The following NUP133 variants were observed in gnomAD, a reference collection of about 807,000 sequenced individuals.
NUP133 encodes nucleoporin 133, also known as nuclear pore complex protein Nup133.
A neutral mutation model predicts 146.2 loss-of-function variants in NUP133; 66 were observed. That is an observed-to-expected ratio of 0.45 (90% CI 0.37 to 0.55). NUP133 has a LOEUF of 0.55. Ranked by LOEUF, NUP133 falls within the 20% of genes least tolerant of loss-of-function variation. The probability of loss-of-function intolerance (pLI) is 0.00; values close to 1 mark genes in which losing one functional copy is unlikely to be tolerated. For missense variants in NUP133, 1,277 were observed against 1,374.8 expected, an observed-to-expected ratio of 0.93 and a Z score of 1.12; for synonymous variants, 521 against 498.8, an observed-to-expected ratio of 1.04 and a Z score of -0.59.
chr1:229,467,702 G>A (rs1660854786), intron 15 of NUP133, among the ~76,000 whole-genome samples: 1 of 152,066 alleles, frequency 6.6e-6, no homozygotes, highest in Non-Finnish European at 1.5e-5. Context: ...GGAGGTGGGT[G>A]GATCACAAGG....
Position 229,458,237 on chromosome 1 carries a change from TTTC to T in NUP133, c.2901_2903del (p.Lys968del). 1.9e-6 allele frequency: 3 copies of T among 1,613,572 alleles called. No individual in the cohort carries two copies. The highest frequency in any genetic ancestry group is 2.5e-6 in the Non-Finnish European group (3 of 1,179,618). On this transcript the variant is annotated inframe_deletion, in exon 21 of 26. Transcript: ENST00000261396. ...CCAATTTACTCAAGCCAAGAAGGGT[TTTC>T]TTCTTTGCAAAGTAACGAGTTTCCA...
chr1:229,470,927 C>T, intron 14 of NUP133, 123 bp from the exon 15 acceptor site: 1 of 738,296 alleles, frequency 1.4e-6, no homozygotes. Flanking sequence ...CCAGCAAGTC[C>T]CTCCAGCTGT....
Position 229,498,311 on chromosome 1 carries a change from GAA to G in NUP133, c.649-7_649-6del, listed in dbSNP as rs753726547. On this transcript the variant is annotated splice_region_variant and splice_polypyrimidine_tract_variant and intron_variant, in intron 5 of 25. Transcript: ENST00000261396. ...AGACAAAATAAAACTTCCTCCCTGT[GAA>G]AAAACATTATGAGGTTAGTTCAGTT... is the stretch of plus-strand genomic sequence containing the variant. 1.0e-5 allele frequency: 16 copies of G among 1,560,450 alleles called. No homozygotes were observed. In the African/African-American group the frequency reaches 2.1e-4, roughly 20 times the overall value.
chr1:229,487,032 TCCTCTG>T (rs1435510636), intron 10 of NUP133, among the ~76,000 whole-genome samples: 1 of 151,932 alleles, frequency 6.6e-6, no homozygotes. Context: ...CTGCACTCTG[TCCTCTG>T]CCCAACCCCT....
chr1:229,486,338 T>C (rs1161938728), intron 11 of NUP133, 33 bp downstream of exon 11: 1 of 1,536,292 alleles, frequency 6.5e-7, no homozygotes, highest in African/African-American at 1.7e-5. Flanking sequence ...ATAAATAACA[T>C]AAAAACTTCA....
At chr1:229,467,780 C>T (rs1461691638) in intron 15 of NUP133, among the ~76,000 whole-genome samples, 2 of 151,902 alleles carry the variant, frequency 1.3e-5, no homozygotes, top group Non-Finnish European at 2.9e-5. Flanking sequence ...CAAAAATTAG[C>T]TGGGCGTCGT....
At chr1:229,505,867 G>A (rs772501135) in intron 2 of NUP133, among the ~76,000 whole-genome samples, 173 bp downstream of exon 2, 2 of 152,096 alleles carry the variant, frequency 1.3e-5, no homozygotes, top group Non-Finnish European at 2.9e-5. Flanking sequence ...CAGCCTGGGT[G>A]ACAGAGTGAG....
intron 21 of NUP133, among the ~76,000 whole-genome samples, chr1:229,454,086 G>T (rs115779935): frequency 6.6e-6 from 1 of 152,070 alleles, no homozygotes; most frequent in African/African-American, 2.4e-5. Flanking sequence ...AGTTTCATTC[G>T]CAAATGGAAA....
chr1:229,448,187 G>A (rs1346589202), intron 24 of NUP133, among the ~76,000 whole-genome samples: 1 of 152,200 alleles, frequency 6.6e-6, no homozygotes, highest in East Asian at 1.9e-4. Context: ...CCAGCATTTT[G>A]GGAGGCTGAG....
Position 229,470,804 on chromosome 1 carries a change from C to G in NUP133, c.1852G>C (p.Val618Leu), listed in dbSNP as rs1660938651. 1 of 1,612,622 alleles carries G rather than the reference C, an allele frequency of 6.2e-7. No individual in the cohort carries two copies. Among genetic ancestry groups the G allele is most frequent in the Non-Finnish European group, 8.5e-7 (1 of 1,179,454 alleles). The change falls in exon 15 of 26, where the codon GTT (valine) becomes CTT (leucine). Residue 618 changes from valine (V) to leucine (L), a missense_variant and splice_region_variant. Val to Leu is a conservative substitution (Grantham distance 32, BLOSUM62 1). Coordinates refer to ENST00000261396, the MANE Select transcript of NUP133 (RefSeq NM_018230.3). Reference protein sequence around the residue: ...HSFLMDFIHQVGLFGRLGSFP... With the variant: ...HSFLMDFIHQLGLFGRLGSFP... ...CTGCCTAGACGTCCAAATAAGCCAA[C>G]CTTGCAAAAAGGCAAACACATATTC...
At chr1:229,442,367 T>G (rs1660203546) in intron 25 of NUP133, among the ~76,000 whole-genome samples, 2 of 152,196 alleles carry the variant, frequency 1.3e-5, no homozygotes. Flanking sequence ...GATCCCCTAT[T>G]TAGGGAATAA....
chr1:229,472,707 C>CATATACATATATATATAT (rs534357538), intron 14 of NUP133, among the ~76,000 whole-genome samples: 9 of 124,270 alleles, frequency 7.2e-5, no homozygotes, highest in African/African-American at 2.8e-4. Context: ...ACTAAATATA[C>CATATACATATATATATAT]ATATATATAT....
intron 12 of NUP133, among the ~76,000 whole-genome samples, chr1:229,482,886 G>A (rs182328817): frequency 1.1e-4 from 17 of 152,316 alleles, no homozygotes; most frequent in Admixed American, 2.0e-4. Flanking sequence ...GGAATAGAGA[G>A]CGAGCTGGCC....
intron 24 of NUP133, 71 bp downstream of exon 24, chr1:229,449,055 C>CTA: frequency 8.8e-7 from 1 of 1,136,920 alleles, no homozygotes; most frequent in East Asian, 2.4e-5. Context: ...CTGTTATTGA[C>CTA]TGTCATGTGG....
At chr1:229,453,659 C>A (rs1224205060) in intron 21 of NUP133, among the ~76,000 whole-genome samples, 1 of 152,290 alleles carries the variant, frequency 6.6e-6, no homozygotes, top group Admixed American at 6.5e-5. Context: ...CTTCAGCAAG[C>A]GGACACTTGC....
intron 21 of NUP133, among the ~76,000 whole-genome samples, chr1:229,456,883 A>G (rs1357695388): frequency 6.7e-6 from 1 of 149,368 alleles, no homozygotes; most frequent in Non-Finnish European, 1.5e-5. Flanking sequence ...GCTGGAGGGC[A>G]GTGGCACAAT....
intron 12 of NUP133, among the ~76,000 whole-genome samples, chr1:229,480,946 T>C (rs1838464): frequency 0.22 from 32,927 of 151,684 alleles, 3,795 homozygotes; most frequent in Middle Eastern, 0.26. Flanking sequence ...CTGCCTGCCT[T>C]GGCCTCCAAA....
intron 19 of NUP133, among the ~76,000 whole-genome samples, chr1:229,462,030 C>T (rs976173418): frequency 1.3e-5 from 2 of 152,170 alleles, no homozygotes; most frequent in Non-Finnish European, 2.9e-5. Flanking sequence ...ATTACAGGCA[C>T]ACGCCACCAT....
intron 6 of NUP133, among the ~76,000 whole-genome samples, chr1:229,496,422 C>T (rs937539244): frequency 1.3e-5 from 2 of 152,136 alleles, no homozygotes; most frequent in African/African-American, 2.4e-5. Context: ...TGCAGTGAGC[C>T]GAGATCGCAC....
Sources: gnomAD v4.1 joint callset for allele counts (sites outside exome capture counted in the v4.1 genomes callset) on GRCh38, gnomAD v4.1.1 for gene constraint, MANE v1.5 for transcripts, NCBI Gene and HGNC (gene_info 2026-07-23, HGNC 2026-07-21) for gene names.